The following ST7L variants were observed in gnomAD, a reference collection of about 807,000 sequenced individuals.
ST7L encodes suppressor of tumorigenicity 7 protein-like.
In ST7L, 57 loss-of-function variants were observed where a neutral mutation model predicts 72.5. The ratio of observed to expected loss-of-function variants is 0.79; its 90% CI spans 0.64 to 0.98. The LOEUF is 0.98. ST7L is among the 50% of genes least tolerant of loss of function. ST7L has a pLI of 0.00. For synonymous variants in ST7L, 221 were observed against 240.9 expected (o/e 0.92, Z 0.77); for missense variants, 576 against 672.2 (o/e 0.86, Z 1.58).
downstream of ST7L, among the ~76,000 whole-genome samples, chr1:112,518,910 T>C (rs918026454): frequency 6.6e-6 from 1 of 152,196 alleles, no homozygotes; most frequent in South Asian, 2.1e-4. Context: ...TCCAATACAG[T>C]AGCAACTAGC....
rs181594740 is a variant in ST7L, at chr1:112,543,419, G to A, written c.1490-1329C>T. ...AAAAATTAGGTGGGCGTGGTGACAC[G>A]CGCCTATAGTCCCAGCTACTCAGGA... On this transcript the variant is annotated intron_variant, in intron 13 of 14. Transcript: ENST00000358039. 4.4e-3 allele frequency among the ~76,000 whole-genome samples: 665 copies of A among 152,252 alleles called. 3 individuals carry two copies. The highest frequency in any genetic ancestry group is 6.2e-3 in the Non-Finnish European group (421 of 68,018).
Position 112,541,937 on chromosome 1 carries a change from G to A in ST7L, c.1629+14C>T. 1 of 1,612,564 alleles carries A rather than the reference G, an allele frequency of 6.2e-7. No individual in the cohort carries two copies. The highest frequency in any genetic ancestry group is 8.5e-7 in the Non-Finnish European group (1 of 1,179,518). On this transcript the variant is annotated intron_variant, in intron 14 of 14. Transcript: ENST00000358039. ...TTACAAATAATCTACACAAGTCCTT[G>A]AGATCATACTTACAGCTTTAGCAAA...
At chr1:112,529,713 CAGA>C (rs1351866019) in intron 14 of ST7L, 3 of 94,386 alleles carry the variant, frequency 3.2e-5, no homozygotes, top group African/African-American at 8.3e-5. Context: ...GCCAAAAAAA[CAGA>C]AGGTTACTCT....
At chr1:112,568,855 AATATAAATAT>A (rs1377042722) in intron 11 of ST7L, among the ~76,000 whole-genome samples, 47 of 80,878 alleles carry the variant, frequency 5.8e-4, no homozygotes, top group Middle Eastern at 5.1e-3. Context: ...TATAAATATA[AATATAAATAT>A]ATATATATAT....
intron 4 of ST7L, among the ~76,000 whole-genome samples, chr1:112,599,127 TACACACAC>T (rs71084480): frequency 0.19 from 19,334 of 103,130 alleles, 2,052 homozygotes; most frequent in Non-Finnish European, 0.24. Flanking sequence ...TGTGTGTGTA[TACACACAC>T]ACACACACAC....
chr1:112,605,750 C>A (rs1321659441), intron 3 of ST7L, among the ~76,000 whole-genome samples: 1 of 152,044 alleles, frequency 6.6e-6, no homozygotes, highest in Non-Finnish European at 1.5e-5. Context: ...GCCCTCCAGG[C>A]CTACTGGGGT....
intron 12 of ST7L, among the ~76,000 whole-genome samples, chr1:112,552,633 A>G (rs1031039019): frequency 4.0e-5 from 6 of 151,890 alleles, no homozygotes; most frequent in African/African-American, 1.5e-4. Flanking sequence ...CGAACTCCCA[A>G]CCTCAGGTGA....
At chr1:112,565,351 G>A (rs189759615) in intron 11 of ST7L, among the ~76,000 whole-genome samples, 5 of 151,252 alleles carry the variant, frequency 3.3e-5, no homozygotes, top group Middle Eastern at 3.4e-3. Context: ...GATTGCAGGC[G>A]TGAGCCACCA....
intron 13 of ST7L, among the ~76,000 whole-genome samples, chr1:112,544,779 G>A (rs890694875): frequency 2.0e-5 from 3 of 152,160 alleles, no homozygotes; most frequent in East Asian, 1.9e-4. Context: ...CTTTAGTGAG[G>A]AAATTTCCTA....
At chr1:112,555,369 T>A (rs1658935983) in intron 12 of ST7L, among the ~76,000 whole-genome samples, 2 of 151,966 alleles carry the variant, frequency 1.3e-5, no homozygotes, top group South Asian at 4.1e-4. Context: ...ATCGAGACCA[T>A]CCTGGCTAAC....
chr1:112,563,458 G>A (rs1328339027), intron 11 of ST7L, among the ~76,000 whole-genome samples: 4 of 152,144 alleles, frequency 2.6e-5, no homozygotes, highest in Non-Finnish European at 5.9e-5. Flanking sequence ...AAAAGACACA[G>A]ATTTGGAAAT....
At chr1:112,582,614 T>C in intron 7 of ST7L, 142 bp from the exon 8 acceptor site, 1 of 524,856 alleles carries the variant, frequency 1.9e-6, no homozygotes. Context: ...AGAATATTAA[T>C]GATGTCTACA....
At chr1:112,585,752 T>A (rs1664784151) in intron 6 of ST7L, among the ~76,000 whole-genome samples, 1 of 151,214 alleles carries the variant, frequency 6.6e-6, no homozygotes, top group Non-Finnish European at 1.5e-5. Context: ...AAAAAATTAA[T>A]ATTTTGAATA....
chr1:112,599,769 A>T (rs1411228217), intron 4 of ST7L, among the ~76,000 whole-genome samples: 3 of 152,258 alleles, frequency 2.0e-5, no homozygotes, highest in Non-Finnish European at 4.4e-5. Context: ...TTTATAAACC[A>T]GGGGCCTAAT....
At chr1:112,521,236 T>TAAC (rs1382872303), downstream of ST7L, 1 of 152,260 alleles carries the variant, frequency 6.6e-6, no homozygotes, top group Non-Finnish European at 1.5e-5. Flanking sequence ...TTCCCATGCT[T>TAAC]AACAAATCAT....
chr1:112,557,067 A>C (rs1268072287), intron 11 of ST7L, among the ~76,000 whole-genome samples: 2 of 151,098 alleles, frequency 1.3e-5, no homozygotes, highest in Non-Finnish European at 3.0e-5. Flanking sequence ...TTTTTAATTT[A>C]GTTTTTAAAT....
chr1:112,553,762 C>A (rs1213808332), intron 12 of ST7L, among the ~76,000 whole-genome samples: 2 of 152,154 alleles, frequency 1.3e-5, no homozygotes, highest in Non-Finnish European at 2.9e-5. Context: ...AAAACTCCAG[C>A]TTTGCAAAGA....
At chr1:112,537,442 A>C (rs1281447826) in intron 14 of ST7L, among the ~76,000 whole-genome samples, 2 of 152,350 alleles carry the variant, frequency 1.3e-5, no homozygotes, top group South Asian at 2.1e-4. Flanking sequence ...TACCTTCCCA[A>C]GCCTTGCTAA....
chr1:112,582,065 A>G lies in ST7L; in HGVS notation c.996T>C (p.His332=). The change falls in exon 9 of 15, where the codon CAT becomes CAC. Residue 332 remains histidine (H), a synonymous_variant. Transcript: ENST00000358039. Reference sequence around the variant, plus strand: ...CTAAAAGTGATTCTAAGAGATTTTCATGGATGTTCAACATGGTAAGAGGAG... The same window carrying G: ...CTAAAAGTGATTCTAAGAGATTTTCGTGGATGTTCAACATGGTAAGAGGAG... ...EFPPLTMLNI[H]ENLLESLLEL... 1 of 1,613,462 alleles carries G rather than the reference A, an allele frequency of 6.2e-7. No homozygotes were observed. The highest frequency in any genetic ancestry group is 1.1e-5 in the South Asian group (1 of 91,060).
Sources: gnomAD v4.1 joint callset for allele counts (sites outside exome capture counted in the v4.1 genomes callset) on GRCh38, gnomAD v4.1.1 for gene constraint, MANE v1.5 for transcripts, NCBI Gene and HGNC (gene_info 2026-07-23, HGNC 2026-07-21) for gene names.